Variants in PCDHA4 observed in about 807,000 individuals in gnomAD.
PCDHA4 encodes protocadherin alpha-4.
Under a neutral mutation model 61.4 loss-of-function variants are expected in PCDHA4, and 49 were observed. The observed-to-expected ratio is 0.80, with a 90% confidence interval of 0.63 to 1.01. The LOEUF (loss-of-function observed/expected upper bound fraction) is 1.01. Ranked by LOEUF, PCDHA4 falls within the 50% of genes least tolerant of loss-of-function variation. The pLI is 0.00. For synonymous variants in PCDHA4, 590 were observed against 550.3 expected, an observed-to-expected ratio of 1.07 and a Z score of -1.01; for missense variants, 1,254 against 1,235.8, an observed-to-expected ratio of 1.01 and a Z score of -0.22.
chr5:140,891,430 A>G (rs1422502424), intron 1 of PCDHA4, among the ~76,000 whole-genome samples: 1 of 141,772 alleles, frequency 7.1e-6, no homozygotes, highest in Non-Finnish European at 1.5e-5. Flanking sequence ...CCAAGTCCCC[A>G]ACGTCCATTG....
In PCDHA4 at chr5:140,818,435, G is replaced by A. The variant is rs2150101216; in HGVS notation, c.2385+8863G>A. ...TTTTTAAAAATATATTTCTAACTTG[G>A]GTACTGGCTAATGTCAAAAGAAACT... On this transcript the variant is annotated intron_variant, in intron 1 of 3. Coordinates refer to ENST00000530339, the MANE Select transcript of PCDHA4 (RefSeq NM_018907.4). Among the ~76,000 whole-genome samples the A allele has an allele frequency of 4.6e-5, 7 of 152,126 alleles. No homozygotes were observed. In the South Asian group the frequency reaches 1.5e-3, roughly 32 times the overall value.
chr5:140,847,580 C>G (rs1350641732), intron 1 of PCDHA4: 2 of 149,008 alleles, frequency 1.3e-5, no homozygotes, highest in African/African-American at 4.9e-5. Flanking sequence ...TAAGGATGAG[C>G]AATAATGAAA....
chr5:140,974,330 A>G (rs542172748), intron 1 of PCDHA4, among the ~76,000 whole-genome samples: 1 of 152,346 alleles, frequency 6.6e-6, no homozygotes, highest in African/African-American at 2.4e-5. Flanking sequence ...CTGCTGTGCT[A>G]GCAGGCTATG....
chr5:140,834,669 T>G (rs2150223867), intron 1 of PCDHA4: 1 of 1,614,208 alleles, frequency 6.2e-7, no homozygotes, highest in East Asian at 2.2e-5. Context: ...CGAGGAGCTG[T>G]GCGGGCGGAG....
chr5:140,869,837 C>A (rs374182289), intron 1 of PCDHA4: 48 of 1,611,366 alleles, frequency 3.0e-5, no homozygotes, highest in Non-Finnish European at 3.6e-5. Flanking sequence ...TTTGATAAAT[C>A]AGAATATAAG....
At chr5:140,890,917 G>C (rs1465334645) in intron 1 of PCDHA4, among the ~76,000 whole-genome samples, 3 of 152,116 alleles carry the variant, frequency 2.0e-5, no homozygotes, top group Non-Finnish European at 4.4e-5. Context: ...AATAATTTGA[G>C]AGTTTCCTTT....
At chr5:140,892,641 T>G (rs2063609688) in intron 1 of PCDHA4, among the ~76,000 whole-genome samples, 1 of 152,226 alleles carries the variant, frequency 6.6e-6, no homozygotes. Flanking sequence ...TTGTACATAT[T>G]TATAGGATAC....
At chr5:140,810,277 A>G in intron 1 of PCDHA4, 1 of 152,252 alleles carries the variant, frequency 6.6e-6, no homozygotes, top group East Asian at 1.9e-4. Flanking sequence ...TCTATTTCAA[A>G]TAATGCCATC....
In PCDHA4 at chr5:140,807,239, C is replaced by T. The variant is rs782505608; in HGVS notation, c.52C>T (p.Leu18Phe). Residue 18 changes from leucine to phenylalanine, a missense_variant, in exon 1 of 4, where the codon CTT (leucine) becomes TTT (phenylalanine). By Grantham distance (22) the Leu-to-Phe change is conservative (BLOSUM62 0). Transcript: ENST00000530339. ...GGAATCCCGGCGTCTGCTGCTCTTACTTCTTCTCCTCGCAGCCTGGGAGGC... is the reference window on the plus strand; with the variant it reads ...GGAATCCCGGCGTCTGCTGCTCTTATTTCTTCTCCTCGCAGCCTGGGAGGC... Reference protein sequence around the residue: ...GQESRRLLLLLLLLAAWEAGN... With the variant: ...GQESRRLLLLFLLLAAWEAGN... The T allele has an allele frequency of 8.1e-5, 131 of 1,613,964 alleles. No homozygotes were observed. The highest frequency in any genetic ancestry group is 1.8e-4 in the Admixed American group (11 of 60,002).
Position 140,862,422 on chromosome 5 carries a change from A to G in PCDHA4, c.2385+52850A>G, listed in dbSNP as rs76178077. On this transcript the variant is annotated intron_variant, in intron 1 of 3. Transcript: ENST00000530339. Reference sequence around the variant, plus strand: ...TGTCTACCTTCAAAAGGCGCTGCCCAGAAACTATTCGTTGGTACTCCACAG... The same window carrying G: ...TGTCTACCTTCAAAAGGCGCTGCCCGGAAACTATTCGTTGGTACTCCACAG... The G allele has an allele frequency of 2.5e-3, 872 of 353,812 alleles. 5 individuals are homozygous for G. Among genetic ancestry groups the G allele is most frequent in the African/African-American group, 0.018 (823 of 46,772 alleles). The allele number at this position is 353,812 out of a possible 1,614,324, so 21.9% of individuals were successfully genotyped here.
chr5:140,866,964 C>T (rs1197921114), intron 1 of PCDHA4: 1 of 152,102 alleles, frequency 6.6e-6, no homozygotes, highest in East Asian at 1.9e-4. Flanking sequence ...GAGATGGTGA[C>T]ATCTGAAATA....
chr5:140,828,240 A>C (rs2150152921), intron 1 of PCDHA4: 1 of 1,613,948 alleles, frequency 6.2e-7, no homozygotes, highest in South Asian at 1.1e-5. Flanking sequence ...CGGATCGCGC[A>C]GGACCTGGGG....
chr5:140,873,537 A>G, intron 1 of PCDHA4, among the ~76,000 whole-genome samples: 1 of 152,274 alleles, frequency 6.6e-6, no homozygotes, highest in Admixed American at 6.5e-5. Flanking sequence ...TCTATGGTAT[A>G]AAATTATAAT....
At chr5:140,945,304 C>T (rs993719774) in intron 1 of PCDHA4, among the ~76,000 whole-genome samples, 3 of 151,880 alleles carry the variant, frequency 2.0e-5, no homozygotes, top group African/African-American at 7.3e-5. Flanking sequence ...TTGAAGAAGA[C>T]ACAAATAAAT....
rs1554124934 is a variant in PCDHA4 at position 140,808,977 on chromosome 5, T to C, written c.1790T>C (p.Val597Ala). 2 of 1,613,568 alleles carry C rather than the reference T, an allele frequency of 1.2e-6. No homozygotes were observed. Among genetic ancestry groups the C allele is most frequent in the South Asian group, 2.2e-5 (2 of 91,042 alleles). ...VGHVVAKVRA[V>A]DADSGYNAWL... ...CACGTGGTGGCAAAGGTGCGCGCGGTGGATGCTGACTCGGGCTACAACGCG... is the reference window on the plus strand; with the variant it reads ...CACGTGGTGGCAAAGGTGCGCGCGGCGGATGCTGACTCGGGCTACAACGCG... Residue 597 changes from valine (V) to alanine (A), a missense_variant, in exon 1 of 4, where the codon GTG (valine) becomes GCG (alanine). Val to Ala is a moderately conservative substitution (Grantham distance 64). Coordinates refer to ENST00000530339, the MANE Select transcript of PCDHA4 (RefSeq NM_018907.4).
rs2150477798 is a variant in PCDHA4 at position 140,850,289 on chromosome 5, C to T, written c.2385+40717C>T. On this transcript the variant is annotated intron_variant, in intron 1 of 3. Coordinates refer to ENST00000530339, the MANE Select transcript of PCDHA4 (RefSeq NM_018907.4). ...TGGTGGGGAAGGTGCGCGCAGTGGA[C>T]GCCGACTCGGGCTACAACGCGTGGC... 1.9e-6 allele frequency: 3 copies of T among 1,595,826 alleles called. No homozygotes were observed. In the East Asian group the frequency reaches 6.7e-5, roughly 36 times the overall value.
chr5:140,875,993 T>C lies in PCDHA4; in HGVS notation c.2385+66421T>C, dbSNP rs574636926. 5 of 1,613,988 alleles carry C rather than the reference T, an allele frequency of 3.1e-6. No homozygotes were observed. The Admixed American group carries it at 6.7e-5, about 22-fold the overall frequency. On this transcript the variant is annotated intron_variant, in intron 1 of 3. Transcript: ENST00000530339. The stretch of plus-strand genomic sequence containing the variant: ...TCTCTTTTGACCTATGCGTTAAGTC[T>C]AAATGAGAATTTTGAGCTTAAAATA...
At chr5:140,823,797 G>A in intron 1 of PCDHA4, 1 of 1,613,836 alleles carries the variant, frequency 6.2e-7, no homozygotes, top group Non-Finnish European at 8.5e-7. Context: ...GTGGCCAGGC[G>A]CCGAAGGCCT....
rs369408845 is a variant in PCDHA4, at chr5:140,898,113, C to T, written c.2386-80836C>T. On this transcript the variant is annotated intron_variant, in intron 1 of 3. Coordinates refer to ENST00000530339, the MANE Select transcript of PCDHA4 (RefSeq NM_018907.4). ...AGCCCTTTGTCAGATGAGTAGGTTG[C>T]GAAAATTTTCTCCCATTTTGTAGGT... Among the ~76,000 whole-genome samples, 401 of 152,070 alleles carry T rather than the reference C, an allele frequency of 2.6e-3. 3 individuals carry two copies. Among genetic ancestry groups the T allele is most frequent in the Admixed American group, 0.01 (153 of 15,274 alleles).
Sources: allele counts gnomAD v4.1 joint callset (sites outside exome capture counted in the v4.1 genomes callset), GRCh38; gene constraint gnomAD v4.1.1; transcripts MANE v1.5; gene names NCBI Gene and HGNC (gene_info 2026-07-23, HGNC 2026-07-21).